The following TBX19 variants were observed in gnomAD, a reference collection of about 807,000 sequenced individuals.
The protein encoded by TBX19 is T-box transcription factor TBX19.
Under a neutral mutation model 40.9 loss-of-function variants are expected in TBX19, and 33 were observed. The ratio of observed to expected loss-of-function variants is 0.81; its 90% confidence interval spans 0.61 to 1.08. The LOEUF is 1.08. Among genes scored for constraint, TBX19 ranks in the 50% least tolerant of loss-of-function variants. The probability of loss-of-function intolerance (pLI) is 0.00; values close to 1 mark genes in which losing one functional copy is unlikely to be tolerated. For missense variants in TBX19, 494 were observed against 574.0 expected (o/e 0.86, Z 1.42); for synonymous variants, 220 against 225.0 (o/e 0.98, Z 0.20).
chr1:168,302,075 A>G (rs963570119), intron 5 of TBX19, among the ~76,000 whole-genome samples: 2 of 152,208 alleles, frequency 1.3e-5, no homozygotes, highest in Admixed American at 6.5e-5. Flanking sequence ...GGTTAGGGCC[A>G]TGTGCAGAAC....
rs775699104 is a variant in TBX19 at position 168,300,412 on chromosome 1, A to G, written c.666-10A>G. Reference sequence around the variant, plus strand: ...TGGACAGCCATGGTGCATTTTCTTTACTCTTTCAGAAATCACCTAAGAGAC... The same window carrying G: ...TGGACAGCCATGGTGCATTTTCTTTGCTCTTTCAGAAATCACCTAAGAGAC... On this transcript the variant is annotated splice_polypyrimidine_tract_variant and intron_variant, in intron 4 of 7. Transcript: ENST00000367821. The G allele has an allele frequency of 9.3e-6, 15 of 1,613,794 alleles. No individual in the cohort carries two copies. Among genetic ancestry groups the G allele is most frequent in the Non-Finnish European group, 1.3e-5 (15 of 1,179,898 alleles).
intron 2 of TBX19, 49 bp from the exon 3 acceptor site, chr1:168,293,095 A>G (rs1448643138): frequency 1.2e-6 from 2 of 1,609,392 alleles, no homozygotes; most frequent in Non-Finnish European, 1.7e-6. Context: ...ATCACCTGCG[A>G]TACACGGGGC....
Position 168,281,017 on chromosome 1 carries a change from G to T in TBX19, c.-74G>T. 6.9e-7 allele frequency: 1 copy of T among 1,440,560 alleles called. No individual in the cohort carries two copies. The highest frequency in any genetic ancestry group is 1.2e-5 in the South Asian group (1 of 85,400). The allele number at this position is 1,440,560 out of a possible 1,614,324, so 89.2% of individuals were successfully genotyped here. ...ACTGTTCAAGTGGGTTTGAAAAGCA[G>T]GCAAGTGAGGGAAGGAAGAAGCTAG... On this transcript the variant is annotated 5_prime_UTR_variant, in exon 1 of 8. It adds an upstream start codon to the 5' untranslated region. Coordinates refer to ENST00000367821, the MANE Select transcript of TBX19 (RefSeq NM_005149.3).
rs369665719 is a variant in TBX19 at position 168,291,438 on chromosome 1, G to C, written c.468+14G>C. On this transcript the variant is annotated intron_variant, in intron 2 of 7. Coordinates refer to ENST00000367821, the MANE Select transcript of TBX19 (RefSeq NM_005149.3). ...GGAGGCGGGCAGGTACGAATGAGGC[G>C]GGCAGGCCTGGCCACCCGCTCCGGC... 6.2e-7 allele frequency: 1 copy of C among 1,614,066 alleles called. No individual in the cohort carries two copies. The highest frequency in any genetic ancestry group is 2.2e-5 in the East Asian group (1 of 44,868).
chr1:168,286,091 C>T (rs763491349), intron 1 of TBX19, among the ~76,000 whole-genome samples: 60 of 152,120 alleles, frequency 3.9e-4, no homozygotes, highest in Non-Finnish European at 1.3e-4. Flanking sequence ...AGTTTATTTA[C>T]GTAGTGATAA....
In TBX19 at chr1:168,291,906, A is replaced by G. The variant is rs937441155; in HGVS notation, c.468+482A>G. ...GAATCAGCTTTGGTTTTTCAGGAAAAAAAAATCCAAACAAACCTTCCTTAA... is the reference window on the plus strand; with the variant it reads ...GAATCAGCTTTGGTTTTTCAGGAAAGAAAAATCCAAACAAACCTTCCTTAA... On this transcript the variant is annotated intron_variant, in intron 2 of 7. Coordinates refer to ENST00000367821, the MANE Select transcript of TBX19 (RefSeq NM_005149.3). 5.9e-5 allele frequency among the ~76,000 whole-genome samples: 9 copies of G among 152,154 alleles called. No individual in the cohort carries two copies. The South Asian group carries it at 1.9e-3, about 32-fold the overall frequency.
Position 168,299,371 on chromosome 1 carries a change from C to G in TBX19, c.666-1051C>G, listed in dbSNP as rs150440675. ...TCTTTTAAATAGTTTTTATAACTGT[C>G]TAATCTTTCCTGTTCACCTTAAAGG... On this transcript the variant is annotated intron_variant, in intron 4 of 7. Transcript: ENST00000367821. Among the ~76,000 whole-genome samples the G allele has an allele frequency of 6.0e-3, 908 of 152,242 alleles. 6 individuals carry two copies. The highest frequency in any genetic ancestry group is 9.1e-3 in the Admixed American group (139 of 15,298).
At position 168,299,416 on chromosome 1, in the gene TBX19, T is replaced by C. The variant is rs563679144; in HGVS notation, c.666-1006T>C. Among the ~76,000 whole-genome samples the C allele has an allele frequency of 3.3e-5, 5 of 152,330 alleles. 1 individual carries two copies. In the South Asian group the frequency reaches 8.3e-4, roughly 25 times the overall value. ...TAAAGGCTCTGATAAGGCTCTAGATTAATGGACAGATGTTCATAATGATGC... is the reference window on the plus strand; with the variant it reads ...TAAAGGCTCTGATAAGGCTCTAGATCAATGGACAGATGTTCATAATGATGC... On this transcript the variant is annotated intron_variant, in intron 4 of 7. Coordinates refer to ENST00000367821, the MANE Select transcript of TBX19 (RefSeq NM_005149.3).
intron 4 of TBX19, among the ~76,000 whole-genome samples, chr1:168,299,397 C>T (rs1649222304): frequency 1.3e-5 from 2 of 152,108 alleles, no homozygotes; most frequent in South Asian, 2.1e-4. Context: ...ACCTTAAAGG[C>T]TCTGATAAGG....
rs149094298 is a variant in TBX19, at chr1:168,281,152, A to G, written c.62A>G (p.Asn21Ser). The G allele has an allele frequency of 1.4e-5, 22 of 1,614,040 alleles. No individual in the cohort carries two copies. Among genetic ancestry groups the G allele is most frequent in the African/African-American group, 1.3e-4 (10 of 74,930 alleles). Residue 21 changes from asparagine (N) to serine (S), a missense_variant, in exon 1 of 8, where the codon AAT becomes AGT. This residue lies in a region of TBX19 where 201 missense variants were observed against 235.2 expected (regional missense o/e 0.85). Coordinates refer to ENST00000367821, the MANE Select transcript of TBX19 (RefSeq NM_005149.3). ...GATGGCACTGTTTCTCATCTGCTCA[A>G]TGTGGTGGAGAGTGAGCTTCAGGCA... is the stretch of plus-strand genomic sequence containing the variant. ...PSDGTVSHLLNVVESELQAGR... is the reference protein window; with the variant it reads ...PSDGTVSHLLSVVESELQAGR...
intron 1 of TBX19, among the ~76,000 whole-genome samples, chr1:168,282,273 T>C (rs1648678432): frequency 6.6e-6 from 1 of 152,196 alleles, no homozygotes. Context: ...CTGTCAGGCT[T>C]TTGTCCTTGT....
At position 168,312,775 on chromosome 1, in the gene TBX19, C is replaced by G. The variant is rs1401495934; in HGVS notation, c.1120C>G (p.His374Asp). 14 of 1,614,234 alleles carry G rather than the reference C, an allele frequency of 8.7e-6. No individual in the cohort carries two copies. The highest frequency in any genetic ancestry group is 1.2e-5 in the Non-Finnish European group (14 of 1,180,046). Residue 374 changes from histidine to aspartate, a missense_variant, in exon 8 of 8, where the codon CAC (histidine) becomes GAC (aspartate). Around this residue, in one of 3 missense-constraint regions of TBX19, gnomAD observed 284 missense variants for 307.3 expected, o/e 0.92. Coordinates refer to ENST00000367821, the MANE Select transcript of TBX19 (RefSeq NM_005149.3). ...GGPSGPGPEV[H>D]ASTPGAFLLG... The stretch of plus-strand genomic sequence containing the variant: ...CCCCAGTGGGCCAGGCCCGGAGGTG[C>G]ACGCCAGCACCCCAGGAGCATTTCT...
intron 4 of TBX19, among the ~76,000 whole-genome samples, chr1:168,298,940 T>C (rs1235251433): frequency 7.0e-6 from 1 of 142,458 alleles, no homozygotes; most frequent in Non-Finnish European, 1.5e-5. Context: ...CCTTCTTTCT[T>C]TTTTTTTTTT....
At chr1:168,293,340 G>C in intron 3 of TBX19, 62 bp downstream of exon 3, 1 of 1,530,528 alleles carries the variant, frequency 6.5e-7, no homozygotes, top group Non-Finnish European at 8.8e-7. Context: ...TGTCACCTGG[G>C]AGATCATGGC....
At position 168,305,158 on chromosome 1, in the gene TBX19, A is replaced by C. The variant is rs543749935; in HGVS notation, c.878A>C (p.Tyr293Ser). 1 of 1,613,156 alleles carries C rather than the reference A, an allele frequency of 6.2e-7. No homozygotes were observed. Among genetic ancestry groups the C allele is most frequent in the East Asian group, 2.2e-5 (1 of 44,862 alleles). ...SGLRGHRQAP[Y>S]PSAYMHRNHS... The stretch of plus-strand genomic sequence containing the variant: ...CTCCGAGGACACCGGCAGGCTCCCT[A>C]CCCTTCTGCGTACATGCACAGAAAC... Residue 293 changes from tyrosine (Y) to serine (S), a missense_variant, in exon 6 of 8, where the codon TAC (tyrosine) becomes TCC (serine). By Grantham distance (144) the Tyr-to-Ser change is moderately radical. Around this residue, in one of 3 missense-constraint regions of TBX19, gnomAD observed 284 missense variants for 307.3 expected, o/e 0.92. Coordinates refer to ENST00000367821, the MANE Select transcript of TBX19 (RefSeq NM_005149.3).
At chr1:168,284,121 T>C (rs1648745713) in intron 1 of TBX19, among the ~76,000 whole-genome samples, 1 of 152,164 alleles carries the variant, frequency 6.6e-6, no homozygotes, top group East Asian at 1.9e-4. Context: ...TTTTCTTTCT[T>C]TCTCTCCCCT....
At chr1:168,285,494 A>T (rs1257484095) in intron 1 of TBX19, among the ~76,000 whole-genome samples, 1 of 152,176 alleles carries the variant, frequency 6.6e-6, no homozygotes, top group African/African-American at 2.4e-5. Context: ...AGCAGCACTG[A>T]CTTCTGGAGA....
At position 168,293,281 on chromosome 1, in the gene TBX19, A is replaced by AAG. The variant is rs747507388; in HGVS notation, c.603+6_603+7dup. 2.7e-5 allele frequency: 38 copies of AAG among 1,427,476 alleles called. No homozygotes were observed. The highest frequency in any genetic ancestry group is 5.6e-5 in the African/African-American group (3 of 53,350). The allele number at this position is 1,427,476 out of a possible 1,614,324, so 88.4% of individuals were successfully genotyped here. A position where few individuals can be genotyped will look rare whatever the true frequency, so the allele number is the denominator to read the frequency against. The stretch of plus-strand genomic sequence containing the variant: ...TGACTGCCTATCAGAATGAGGAGGT[A>AAG]AGAGTGTGTGTGTGTGTGTGTGTGT... On this transcript the variant is annotated splice_donor_region_variant and intron_variant, in intron 3 of 7. Coordinates refer to ENST00000367821, the MANE Select transcript of TBX19 (RefSeq NM_005149.3).
chr1:168,299,781 T>C (rs1649229985), intron 4 of TBX19, among the ~76,000 whole-genome samples: 1 of 152,154 alleles, frequency 6.6e-6, no homozygotes, highest in Non-Finnish European at 1.5e-5. Flanking sequence ...GCTCCAATAT[T>C]GGAATAAATT....
Sources: allele counts gnomAD v4.1 joint callset (sites outside exome capture counted in the v4.1 genomes callset), GRCh38; gene constraint gnomAD v4.1.1; regional missense constraint gnomAD v4.1.1; transcripts MANE v1.5; gene names NCBI Gene and HGNC (gene_info 2026-07-23, HGNC 2026-07-21).